Variants in NUBPL observed in about 807,000 individuals in gnomAD.
The protein encoded by NUBPL is iron-sulfur cluster transfer protein NUBPL.
In NUBPL, 31 loss-of-function variants were observed where a neutral mutation model predicts 45.7. That is an observed-to-expected ratio of 0.68 (90% CI 0.51 to 0.92). The LOEUF is 0.92. NUBPL is among the 40% of genes least tolerant of loss of function. The pLI, the probability that NUBPL is intolerant of heterozygous loss-of-function variation, is 0.00. For missense variants in NUBPL, 401 were observed against 398.7 expected, an observed-to-expected ratio of 1.01 and a Z score of -0.05; for synonymous variants, 144 against 140.9, an observed-to-expected ratio of 1.02 and a Z score of -0.15.
At chr14:31,613,759 T>C (rs958939573) in intron 4 of NUBPL, among the ~76,000 whole-genome samples, 10 of 152,082 alleles carry the variant, frequency 6.6e-5, no homozygotes, top group African/African-American at 2.2e-4. Flanking sequence ...CCCGGCCTAA[T>C]TGGATTGTTT....
intron 6 of NUBPL, among the ~76,000 whole-genome samples, chr14:31,732,609 CTTTTTT>C (rs71986817): frequency 6.2e-5 from 5 of 81,042 alleles, no homozygotes; most frequent in East Asian, 4.0e-4. Flanking sequence ...AATTTGTTCT[CTTTTTT>C]TTTTTTTTTT....
At chr14:31,741,972 C>T (rs2038293919) in intron 6 of NUBPL, among the ~76,000 whole-genome samples, 1 of 151,786 alleles carries the variant, frequency 6.6e-6, no homozygotes. Flanking sequence ...TTTTAAATAT[C>T]CCATATCTTT....
intron 6 of NUBPL, among the ~76,000 whole-genome samples, chr14:31,772,634 T>C (rs1313369958): frequency 1.3e-5 from 2 of 152,214 alleles, no homozygotes; most frequent in African/African-American, 2.4e-5. Flanking sequence ...TTACCAAAGA[T>C]TGACCCATGT....
intron 4 of NUBPL, chr14:31,667,853 A>C (rs1264830177): frequency 6.4e-6 from 1 of 155,576 alleles, no homozygotes; most frequent in Non-Finnish European, 1.4e-5. Flanking sequence ...TCCACTCCAG[A>C]CCCTGTTTGC....
chr14:31,624,197 T>C (rs1275616505), intron 4 of NUBPL, among the ~76,000 whole-genome samples: 1 of 152,138 alleles, frequency 6.6e-6, no homozygotes, highest in Admixed American at 6.6e-5. Flanking sequence ...ACCTTGGTAA[T>C]TTATTGAGTA....
chr14:31,771,366 C>G (rs550251662), intron 6 of NUBPL, among the ~76,000 whole-genome samples: 1 of 151,382 alleles, frequency 6.6e-6, no homozygotes. Context: ...AATAATTCTT[C>G]TATTTCTAAC....
At chr14:31,745,529 C>T (rs1000829320) in intron 6 of NUBPL, among the ~76,000 whole-genome samples, 1 of 152,068 alleles carries the variant, frequency 6.6e-6, no homozygotes, top group African/African-American at 2.4e-5. Flanking sequence ...CTCCTGACCT[C>T]GTGATCCACC....
intron 6 of NUBPL, among the ~76,000 whole-genome samples, chr14:31,742,033 C>G (rs546750194): frequency 2.0e-5 from 3 of 152,046 alleles, no homozygotes; most frequent in Admixed American, 2.0e-4. Flanking sequence ...TCCTCTCCCT[C>G]CCCCTAAAAA....
chr14:31,713,797 T>C (rs897169021), intron 6 of NUBPL, among the ~76,000 whole-genome samples: 1 of 152,242 alleles, frequency 6.6e-6, no homozygotes, highest in African/African-American at 2.4e-5. Context: ...CTCCCTTTAC[T>C]TTTAATGCAT....
At chr14:31,762,293 A>G (rs2038827978) in intron 6 of NUBPL, among the ~76,000 whole-genome samples, 1 of 152,212 alleles carries the variant, frequency 6.6e-6, no homozygotes, top group South Asian at 2.1e-4. Flanking sequence ...CTGAACTAGA[A>G]TAGCTTTTAA....
chr14:31,840,575 CAAAA>C (rs1179425932), intron 8 of NUBPL, among the ~76,000 whole-genome samples: 1 of 91,032 alleles, frequency 1.1e-5, no homozygotes, highest in Non-Finnish European at 2.2e-5. Context: ...CTCCACATCT[CAAAA>C]AAAAAAAAAA....
intron 4 of NUBPL, among the ~76,000 whole-genome samples, chr14:31,604,098 C>G (rs1157589206): frequency 6.8e-6 from 1 of 147,202 alleles, no homozygotes; most frequent in African/African-American, 2.5e-5. Flanking sequence ...AAGCTATAAT[C>G]TTAAATTTGA....
At chr14:31,621,433 G>A (rs1279231576) in intron 4 of NUBPL, among the ~76,000 whole-genome samples, 2 of 152,212 alleles carry the variant, frequency 1.3e-5, no homozygotes, top group African/African-American at 4.8e-5. Context: ...GCCAGAGGGA[G>A]TCTCATGGTC....
intron 9 of NUBPL, among the ~76,000 whole-genome samples, chr14:31,848,317 T>A (rs1416167460): frequency 6.6e-6 from 1 of 152,088 alleles, no homozygotes; most frequent in Non-Finnish European, 1.5e-5. Flanking sequence ...TATGAAGAGG[T>A]TGGAATTGGG....
At chr14:31,658,821 T>C (rs2036203487) in intron 4 of NUBPL, among the ~76,000 whole-genome samples, 1 of 152,190 alleles carries the variant, frequency 6.6e-6, no homozygotes, top group African/African-American at 2.4e-5. Context: ...TTAATAGCTA[T>C]TTACTGTGGA....
intron 6 of NUBPL, among the ~76,000 whole-genome samples, chr14:31,738,493 C>G (rs1352796152): frequency 2.0e-5 from 3 of 152,150 alleles, no homozygotes; most frequent in Non-Finnish European, 4.4e-5. Context: ...ATTTGGTACA[C>G]TTCCAGGTAC....
At chr14:31,763,745 G>T (rs1415281255) in intron 6 of NUBPL, among the ~76,000 whole-genome samples, 1 of 152,058 alleles carries the variant, frequency 6.6e-6, no homozygotes, top group Non-Finnish European at 1.5e-5. Flanking sequence ...TTAAATACAA[G>T]AATCTAACAT....
chr14:31,706,618 C>A lies in NUBPL; in HGVS notation c.513+33044C>A, dbSNP rs149816888. Among the ~76,000 whole-genome samples the A allele has an allele frequency of 1.1e-4, 17 of 152,326 alleles. No homozygotes were observed. In the East Asian group the frequency reaches 3.3e-3, roughly 29 times the overall value. ...TACTGGTTAGTGTAAAAACAACACT[C>A]TTCCCCTAAGAAGGTGCAGAGTCCT... On this transcript the variant is annotated intron_variant, in intron 6 of 10. Coordinates refer to ENST00000281081, the MANE Select transcript of NUBPL (RefSeq NM_025152.3).
chr14:31,714,273 A>G (rs2037638701), intron 6 of NUBPL, among the ~76,000 whole-genome samples: 1 of 152,198 alleles, frequency 6.6e-6, no homozygotes, highest in Non-Finnish European at 1.5e-5. Flanking sequence ...GCAGAACAAG[A>G]AGATAGAAAG....
Sources: gnomAD v4.1 joint callset for allele counts (sites outside exome capture counted in the v4.1 genomes callset) on GRCh38, gnomAD v4.1.1 for gene constraint, MANE v1.5 for transcripts, NCBI Gene and HGNC (gene_info 2026-07-23, HGNC 2026-07-21) for gene names.